FKBP9: variants seen among roughly 807,000 people sequenced by gnomAD.
FKBP9 encodes peptidyl-prolyl cis-trans isomerase FKBP9.
Under a neutral mutation model 55.6 loss-of-function variants are expected in FKBP9, and 27 were observed. That is an observed-to-expected ratio of 0.49 (90% CI 0.36 to 0.67). The LOEUF (loss-of-function observed/expected upper bound fraction) is 0.67. Among genes scored for constraint, FKBP9 ranks in the 30% least tolerant of loss-of-function variants. The probability of loss-of-function intolerance (pLI) is 0.00; values close to 1 mark genes in which losing one functional copy is unlikely to be tolerated. For synonymous variants in FKBP9, 267 were observed against 296.5 expected (o/e 0.90, Z 1.02); for missense variants, 539 against 742.8 (o/e 0.73, Z 3.19).
chr7:32,984,445 A>G (rs1417830768), intron 5 of FKBP9, among the ~76,000 whole-genome samples: 1 of 152,114 alleles, frequency 6.6e-6, no homozygotes, highest in Non-Finnish European at 1.5e-5. Context: ...TTTAGTAGAG[A>G]TGAGGTTTCA....
chr7:32,969,068 C>A (rs1181427527), intron 1 of FKBP9, among the ~76,000 whole-genome samples: 1 of 151,946 alleles, frequency 6.6e-6, no homozygotes, highest in African/African-American at 2.4e-5. Context: ...TCATTCAATC[C>A]CTTTGCTCAT....
At chr7:32,998,375 T>C (rs889720523) in intron 7 of FKBP9, among the ~76,000 whole-genome samples, 2 of 152,138 alleles carry the variant, frequency 1.3e-5, no homozygotes, top group Admixed American at 1.3e-4. Context: ...GAATTCCTTC[T>C]CGGAGGCTCC....
At chr7:32,967,224 TTTG>T (rs1158159254) in intron 1 of FKBP9, among the ~76,000 whole-genome samples, 1 of 152,180 alleles carries the variant, frequency 6.6e-6, no homozygotes, top group African/African-American at 2.4e-5. Flanking sequence ...ACACACCCAC[TTTG>T]TTATTACTTT....
rs367623309 is a variant in FKBP9 at position 33,002,649 on chromosome 7, C to T, written c.1373-27C>T. The T allele has an allele frequency of 5.0e-5, 81 of 1,607,962 alleles. 1 individual carries two copies. The highest frequency in any genetic ancestry group is 5.9e-5 in the Non-Finnish European group (69 of 1,176,656). ...TTGACTGCTGCCTGCCGGCTGACACCGCCTCCCGCTCCTGTCACCTGGACA... is the reference window on the plus strand; with the variant it reads ...TTGACTGCTGCCTGCCGGCTGACACTGCCTCCCGCTCCTGTCACCTGGACA... On this transcript the variant is annotated intron_variant, in intron 8 of 9. Coordinates refer to ENST00000242209, the MANE Select transcript of FKBP9 (RefSeq NM_007270.5).
intron 1 of FKBP9, among the ~76,000 whole-genome samples, chr7:32,972,795 T>C (rs1784278656): frequency 6.6e-6 from 1 of 152,182 alleles, no homozygotes; most frequent in South Asian, 2.1e-4. Context: ...CCATCTCAGC[T>C]CACTGCAACC....
chr7:32,999,738 T>G (rs1784893491), intron 7 of FKBP9, among the ~76,000 whole-genome samples: 1 of 152,020 alleles, frequency 6.6e-6, no homozygotes, highest in Admixed American at 6.5e-5. Flanking sequence ...AAAGCCAGGG[T>G]TTTTTGTCTT....
intron 1 of FKBP9, among the ~76,000 whole-genome samples, chr7:32,973,111 A>G (rs1784283888): frequency 6.6e-6 from 1 of 152,124 alleles, no homozygotes; most frequent in South Asian, 2.1e-4. Flanking sequence ...ATTTTATTTT[A>G]TGTCTTCTGA....
chr7:33,002,740 C>T lies in FKBP9; in HGVS notation c.1437C>T (p.Gly479=). 1 of 1,614,154 alleles carries T rather than the reference C, an allele frequency of 6.2e-7. No homozygotes were observed. Among genetic ancestry groups the T allele is most frequent in the Middle Eastern group, 1.6e-4 (1 of 6,062 alleles). ...TTGAGCTGCTGGAGCTGGTGGCTGG[C>T]CTTCCTGAGGGGTACATGTTCATAT... ...FDIELLELVA[G]LPEGYMFIWN... The change falls in exon 9 of 10, where the codon GGC becomes GGT. Residue 479 remains glycine (G), a synonymous_variant. Transcript: ENST00000242209.
chr7:32,966,054 G>A (rs539351779), intron 1 of FKBP9, among the ~76,000 whole-genome samples: 48 of 148,920 alleles, frequency 3.2e-4, no homozygotes, highest in African/African-American at 8.9e-4. Context: ...TTAGCTGGGC[G>A]TGGTAGCGTG....
chr7:32,965,969 G>T (rs1784140005), intron 1 of FKBP9, among the ~76,000 whole-genome samples: 1 of 147,570 alleles, frequency 6.8e-6, no homozygotes, highest in Non-Finnish European at 1.5e-5. Context: ...AAGGCAGGTG[G>T]ATCACCTGAG....
At chr7:32,990,276 G>T (rs552016510) in intron 6 of FKBP9, among the ~76,000 whole-genome samples, 48 of 152,310 alleles carry the variant, frequency 3.2e-4, no homozygotes, top group African/African-American at 1.2e-3. Context: ...GGGAAAAAGT[G>T]CTAAACTGCT....
chr7:32,963,618 C>G (rs184876829), intron 1 of FKBP9: 2 of 1,456,124 alleles, frequency 1.4e-6, no homozygotes, highest in Non-Finnish European at 1.8e-6. Context: ...AACACAAGCC[C>G]GTCCTGCAGA....
At chr7:32,978,719 G>T (rs925725137) in intron 4 of FKBP9, among the ~76,000 whole-genome samples, 2 of 152,100 alleles carry the variant, frequency 1.3e-5, no homozygotes, top group African/African-American at 4.8e-5. Context: ...GTTCATTCAC[G>T]TTGGCTCCCA....
chr7:32,996,028 C>A, intron 6 of FKBP9, 135 bp from the exon 7 acceptor site: 2 of 656,014 alleles, frequency 3.0e-6, no homozygotes, highest in Non-Finnish European at 5.5e-6. Context: ...GTCTTGGAGT[C>A]CTCCTAGGGT....
chr7:33,002,413 G>A (rs1004151475), intron 8 of FKBP9, among the ~76,000 whole-genome samples: 3 of 152,154 alleles, frequency 2.0e-5, no homozygotes, highest in African/African-American at 4.8e-5. Flanking sequence ...AATTATAGGC[G>A]TGAGCCACCA....
At chr7:32,960,272 G>A (rs10251280) in intron 1 of FKBP9, among the ~76,000 whole-genome samples, 29,552 of 151,720 alleles carry the variant, frequency 0.19, 3,446 homozygotes, top group Admixed American at 0.34. Flanking sequence ...CTGCCACCAC[G>A]CCTGGCTAAT....
At chr7:32,979,578 T>C (rs1164719830) in intron 4 of FKBP9, 1 of 1,549,286 alleles carries the variant, frequency 6.5e-7, no homozygotes, top group Non-Finnish European at 8.7e-7. Flanking sequence ...ATATAACAAA[T>C]GGCAGGTAAA....
intron 8 of FKBP9, among the ~76,000 whole-genome samples, chr7:33,001,039 A>G (rs1412964184): frequency 6.7e-6 from 1 of 150,328 alleles, no homozygotes; most frequent in Non-Finnish European, 1.5e-5. Context: ...GGCCTCCCAA[A>G]GCACTGGGAT....
intron 5 of FKBP9, among the ~76,000 whole-genome samples, chr7:32,986,187 C>T (rs1319132185): frequency 6.6e-6 from 1 of 152,206 alleles, no homozygotes; most frequent in African/African-American, 2.4e-5. Context: ...TGGCTTGGCC[C>T]TTGCTGCCAG....
Sources: allele counts gnomAD v4.1 joint callset (sites outside exome capture counted in the v4.1 genomes callset), GRCh38; gene constraint gnomAD v4.1.1; transcripts MANE v1.5; gene names NCBI Gene and HGNC (gene_info 2026-07-23, HGNC 2026-07-21).